SGK1: variants seen among roughly 807,000 people sequenced by gnomAD.
The protein encoded by SGK1 is serine/threonine-protein kinase Sgk1.
SGK1 carries 26 observed loss-of-function variants against 64.2 expected under a neutral mutation model. The ratio of observed to expected loss-of-function variants is 0.40; its 90% CI spans 0.30 to 0.56. The LOEUF (loss-of-function observed/expected upper bound fraction) is 0.56, where lower values mean the gene tolerates loss of function less well. Among genes scored for constraint, SGK1 ranks in the 20% least tolerant of loss-of-function variants. The probability of loss-of-function intolerance (pLI) is 0.38; values close to 1 mark genes in which losing one functional copy is unlikely to be tolerated. For missense variants in SGK1, 519 were observed against 645.6 expected, an observed-to-expected ratio of 0.80 and a Z score of 2.12; for synonymous variants, 265 against 239.7, an observed-to-expected ratio of 1.11 and a Z score of -0.98.
At chr6:134,221,084 A>G (rs1776084623) in intron 2 of SGK1, among the ~76,000 whole-genome samples, 1 of 151,940 alleles carries the variant, frequency 6.6e-6, no homozygotes, top group African/African-American at 2.4e-5. Context: ...CAGGCAGATC[A>G]TCTGAGGTCA....
chr6:134,304,997 G>A (rs947475845), intron 1 of SGK1, among the ~76,000 whole-genome samples: 2 of 152,106 alleles, frequency 1.3e-5, no homozygotes, highest in African/African-American at 2.4e-5. Flanking sequence ...ATTATTAAGA[G>A]CACTTTACTA....
At chr6:134,272,585 T>C (rs560254544) in intron 1 of SGK1, among the ~76,000 whole-genome samples, 1 of 147,222 alleles carries the variant, frequency 6.8e-6, no homozygotes, top group African/African-American at 2.4e-5. Flanking sequence ...AACATCCTCT[T>C]TACACCCACA....
At position 134,317,720 on chromosome 6, in the gene SGK1, C is replaced by T. The variant is rs1582783583; in HGVS notation, c.-260G>A. On this transcript the variant is annotated 5_prime_UTR_variant, in exon 1 of 14. Transcript: ENST00000367858. ...AACATATGCATCACCGCTGCAGGACCCTGGGGGCCGGACGGTGGGATACGG... is the reference window on the plus strand; with the variant it reads ...AACATATGCATCACCGCTGCAGGACTCTGGGGGCCGGACGGTGGGATACGG... The T allele has an allele frequency of 4.7e-6, 2 of 428,752 alleles. No individual in the cohort carries two copies. Among genetic ancestry groups the T allele is most frequent in the South Asian group, 8.2e-5 (2 of 24,264 alleles). 26.6% of individuals were successfully genotyped at this position (428,752 alleles called of 1,614,324 possible).
chr6:134,186,345 A>G (rs1038566725), intron 3 of SGK1, among the ~76,000 whole-genome samples: 39 of 152,218 alleles, frequency 2.6e-4, no homozygotes, highest in African/African-American at 9.4e-4. Context: ...AAATACTATG[A>G]TATAAAATTA....
chr6:134,210,834 AT>A (rs1554221087), intron 2 of SGK1, among the ~76,000 whole-genome samples: 2 of 143,658 alleles, frequency 1.4e-5, no homozygotes, highest in African/African-American at 2.7e-5. Flanking sequence ...AAAAAAAAAA[AT>A]TTTAAAAGGG....
chr6:134,197,304 T>C (rs889955196), intron 3 of SGK1, among the ~76,000 whole-genome samples: 1 of 152,106 alleles, frequency 6.6e-6, no homozygotes, highest in Non-Finnish European at 1.5e-5. Flanking sequence ...TAGTGGAAGA[T>C]AGCTGGCAAG....
intron 1 of SGK1, among the ~76,000 whole-genome samples, chr6:134,284,337 C>A (rs1777145440): frequency 6.6e-6 from 1 of 152,042 alleles, no homozygotes; most frequent in African/African-American, 2.4e-5. Flanking sequence ...AGCCATCTGC[C>A]CACCTCCTTG....
intron 2 of SGK1, among the ~76,000 whole-genome samples, chr6:134,245,829 A>G (rs1243032545): frequency 2.6e-5 from 4 of 152,244 alleles, no homozygotes; most frequent in African/African-American, 9.6e-5. Context: ...CATCTGTATC[A>G]AAAGAAGGTA....
chr6:134,173,569 A>AT lies in SGK1; in HGVS notation c.514-4_514-3insA. On this transcript the variant is annotated splice_region_variant and splice_polypyrimidine_tract_variant and intron_variant, in intron 5 of 13. Coordinates refer to ENST00000367858, the MANE Select transcript of SGK1 (RefSeq NM_001143676.3). Reference sequence around the variant, plus strand: ...TTGATTTGCTGAGAAGGACTTGGCTAGAAAAAAAAAAAAAGAATTTCTTTT... The same window carrying AT: ...TTGATTTGCTGAGAAGGACTTGGCTATGAAAAAAAAAAAAAGAATTTCTTTT... 2 of 1,555,968 alleles carry AT rather than the reference A, an allele frequency of 1.3e-6. No individual in the cohort carries two copies. The highest frequency in any genetic ancestry group is 1.7e-6 in the Non-Finnish European group (2 of 1,145,230).
chr6:134,297,826 G>C, intron 1 of SGK1: 1 of 694,290 alleles, frequency 1.4e-6, no homozygotes, highest in South Asian at 1.5e-5. Flanking sequence ...GTATGCTGCA[G>C]GTCATCCCCG....
chr6:134,263,893 C>G (rs948371995), intron 1 of SGK1, among the ~76,000 whole-genome samples: 1 of 151,984 alleles, frequency 6.6e-6, no homozygotes. Context: ...AAAACCCCAT[C>G]TCTACAAAAG....
At chr6:134,247,499 G>A (rs1776541937) in intron 2 of SGK1, among the ~76,000 whole-genome samples, 1 of 152,190 alleles carries the variant, frequency 6.6e-6, no homozygotes, top group Admixed American at 6.5e-5. Flanking sequence ...GAATAGCACT[G>A]TTTTTACAAA....
In SGK1 at chr6:134,294,829, G is replaced by A. The variant is rs777114655; in HGVS notation, c.69+22563C>T. ...AGGCGTGAGCTACCACGCCCAGCCA[G>A]TGAATCTTTATTAATGTGTTAGATA... is the stretch of plus-strand genomic sequence containing the variant. On this transcript the variant is annotated intron_variant, in intron 1 of 13. Coordinates refer to ENST00000367858, the MANE Select transcript of SGK1 (RefSeq NM_001143676.3). Among the ~76,000 whole-genome samples the A allele has an allele frequency of 5.3e-5, 8 of 152,298 alleles. No homozygotes were observed. In the East Asian group the frequency reaches 1.4e-3, roughly 26 times the overall value.
chr6:134,195,307 AAG>A (rs1209648049), intron 3 of SGK1, among the ~76,000 whole-genome samples: 1 of 152,256 alleles, frequency 6.6e-6, no homozygotes, highest in Non-Finnish European at 1.5e-5. Flanking sequence ...AACAAAGAGA[AAG>A]AGAAAATTGT....
chr6:134,278,278 G>T (rs1041562545), intron 1 of SGK1, among the ~76,000 whole-genome samples: 1 of 152,058 alleles, frequency 6.6e-6, no homozygotes, highest in Non-Finnish European at 1.5e-5. Flanking sequence ...ATAAACAAAC[G>T]CAAAAAATCC....
At chr6:134,241,203 C>T (rs1242139247) in intron 2 of SGK1, among the ~76,000 whole-genome samples, 2 of 151,826 alleles carry the variant, frequency 1.3e-5, no homozygotes, top group African/African-American at 4.8e-5. Context: ...GCATCCACTA[C>T]CACATCCGGC....
intron 2 of SGK1, among the ~76,000 whole-genome samples, chr6:134,231,831 G>A (rs1030100987): frequency 6.6e-6 from 1 of 152,010 alleles, no homozygotes; most frequent in African/African-American, 2.4e-5. Context: ...CCTGAGGTCA[G>A]GAGTTGAAGA....
At chr6:134,271,151 T>C (rs1439183508) in intron 1 of SGK1, among the ~76,000 whole-genome samples, 2 of 131,208 alleles carry the variant, frequency 1.5e-5, no homozygotes, top group East Asian at 5.0e-4. Context: ...AAACTCCATC[T>C]CTACTAAAAA....
At chr6:134,268,367 T>C (rs1776885572) in intron 1 of SGK1, among the ~76,000 whole-genome samples, 1 of 152,184 alleles carries the variant, frequency 6.6e-6, no homozygotes, top group South Asian at 2.1e-4. Flanking sequence ...GCTACACAAC[T>C]GTTTGTGAAG....
Sources: gnomAD v4.1 joint callset for allele counts (sites outside exome capture counted in the v4.1 genomes callset) on GRCh38, gnomAD v4.1.1 for gene constraint, MANE v1.5 for transcripts, NCBI Gene and HGNC (gene_info 2026-07-23, HGNC 2026-07-21) for gene names.